The following UNC5D variants were observed in gnomAD, a reference collection of about 807,000 sequenced individuals.
UNC5D encodes netrin receptor UNC5D.
A neutral mutation model predicts 105.4 loss-of-function variants in UNC5D; 39 were observed. The observed-to-expected ratio is 0.37, with a 90% CI of 0.29 to 0.48. The LOEUF (loss-of-function observed/expected upper bound fraction) is 0.48, where lower values mean the gene tolerates loss of function less well. UNC5D is among the 20% of genes least tolerant of loss of function. The pLI is 0.98. For missense variants in UNC5D, 991 were observed against 1,202.4 expected (o/e 0.82, Z 2.60); for synonymous variants, 452 against 450.4 (o/e 1.00, Z -0.04).
intron 1 of UNC5D, chr8:35,544,550 A>G (rs1815503408): frequency 6.2e-7 from 1 of 1,613,402 alleles, no homozygotes; most frequent in Non-Finnish European, 8.5e-7. Context: ...GGCAGGAACA[A>G]ACAGGAAAAA....
At chr8:35,344,005 G>A (rs1450150246) in intron 1 of UNC5D, among the ~76,000 whole-genome samples, 1 of 152,100 alleles carries the variant, frequency 6.6e-6, no homozygotes, top group African/African-American at 2.4e-5. Flanking sequence ...GAATTTCAGA[G>A]ACTGCTGTGA....
At chr8:35,527,621 C>A (rs1813971479) in intron 1 of UNC5D, among the ~76,000 whole-genome samples, 1 of 152,110 alleles carries the variant, frequency 6.6e-6, no homozygotes. Context: ...CGACTCACTG[C>A]AACCTCTGCT....
At chr8:35,610,915 TG>T (rs1262529892) in intron 4 of UNC5D, among the ~76,000 whole-genome samples, 1 of 150,936 alleles carries the variant, frequency 6.6e-6, no homozygotes, top group African/African-American at 2.4e-5. Context: ...CTACTAACTT[TG>T]TAATGCAATT....
intron 1 of UNC5D, among the ~76,000 whole-genome samples, chr8:35,546,539 G>T (rs1467053339): frequency 2.0e-5 from 3 of 152,174 alleles, no homozygotes; most frequent in Non-Finnish European, 4.4e-5. Flanking sequence ...CTATAGCTTT[G>T]GGTATGTATT....
chr8:35,510,788 A>T (rs1812651839), intron 1 of UNC5D, among the ~76,000 whole-genome samples: 1 of 152,278 alleles, frequency 6.6e-6, no homozygotes, highest in East Asian at 1.9e-4. Context: ...GTGAAGCAAA[A>T]GCTCCCTGCT....
chr8:35,604,088 G>A (rs1820095761), intron 4 of UNC5D, among the ~76,000 whole-genome samples: 1 of 152,178 alleles, frequency 6.6e-6, no homozygotes. Flanking sequence ...CTGTCATTAT[G>A]ATGTTAGCTG....
At chr8:35,408,927 C>T (rs1314248666) in intron 1 of UNC5D, among the ~76,000 whole-genome samples, 1 of 151,976 alleles carries the variant, frequency 6.6e-6, no homozygotes, top group Non-Finnish European at 1.5e-5. Context: ...CCTAAATCTC[C>T]CTCGTGATTT....
rs890760713 is a variant in UNC5D, at chr8:35,722,290, G to T, written c.1198G>T (p.Val400Phe). The T allele has an allele frequency of 1.2e-6, 2 of 1,614,182 alleles. No individual in the cohort carries two copies. Among genetic ancestry groups the T allele is most frequent in the Non-Finnish European group, 1.7e-6 (2 of 1,180,028 alleles). Residue 400 changes from valine (V) to phenylalanine (F), a missense_variant, in exon 9 of 17, where the codon GTC (valine) becomes TTC (phenylalanine). Transcript: ENST00000404895. The stretch of plus-strand genomic sequence containing the variant: ...GGCCGTTGCAGTCCTGGTCATTGGT[G>T]TCACCCTTTACAGACGGAGCCAGAG... ...VVAVAVLVIGVTLYRRSQSDY... is the reference protein window; with the variant it reads ...VVAVAVLVIGFTLYRRSQSDY...
chr8:35,697,298 A>C (rs1015270339), intron 7 of UNC5D, among the ~76,000 whole-genome samples: 3 of 151,970 alleles, frequency 2.0e-5, no homozygotes, highest in Non-Finnish European at 4.4e-5. Context: ...TATAATATGA[A>C]AATAACACCA....
At chr8:35,237,953 A>G (rs1802577219) in intron 1 of UNC5D, among the ~76,000 whole-genome samples, 2 of 152,192 alleles carry the variant, frequency 1.3e-5, no homozygotes, top group South Asian at 2.1e-4. Context: ...AAAGGTGTCC[A>G]TTCATTAAAA....
At chr8:35,498,079 C>CAAA (rs141361517) in intron 1 of UNC5D, among the ~76,000 whole-genome samples, 2 of 59,424 alleles carry the variant, frequency 3.4e-5, no homozygotes, top group African/African-American at 8.7e-5. Flanking sequence ...CAAAACAAAA[C>CAAA]AAAACAAAAA....
At chr8:35,679,439 G>C (rs932929629) in intron 4 of UNC5D, among the ~76,000 whole-genome samples, 1 of 152,156 alleles carries the variant, frequency 6.6e-6, no homozygotes, top group Non-Finnish European at 1.5e-5. Context: ...CTTCAGGGCA[G>C]AGGAATCAGT....
chr8:35,377,686 C>G (rs1032539812), intron 1 of UNC5D, among the ~76,000 whole-genome samples: 1 of 152,102 alleles, frequency 6.6e-6, no homozygotes, highest in Admixed American at 6.6e-5. Flanking sequence ...CAGAGGTGCC[C>G]CAGGTGAGGC....
intron 1 of UNC5D, among the ~76,000 whole-genome samples, chr8:35,457,443 A>G (rs79871182): frequency 0.017 from 2,538 of 152,226 alleles, 82 homozygotes; most frequent in African/African-American, 0.058. Context: ...TTCTTATACC[A>G]TTTATCATTC....
At chr8:35,615,215 G>C (rs1820964027) in intron 4 of UNC5D, among the ~76,000 whole-genome samples, 1 of 152,134 alleles carries the variant, frequency 6.6e-6, no homozygotes, top group East Asian at 1.9e-4. Context: ...CTCCAGCGTG[G>C]GGCCAGAGAT....
At chr8:35,311,558 C>T (rs1023772195) in intron 1 of UNC5D, among the ~76,000 whole-genome samples, 1 of 152,056 alleles carries the variant, frequency 6.6e-6, no homozygotes, top group Non-Finnish European at 1.5e-5. Flanking sequence ...TGCTATGGAG[C>T]AAACACCCAG....
chr8:35,235,691 C>A lies in UNC5D; in HGVS notation c.-94C>A. On this transcript the variant is annotated 5_prime_UTR_variant, in exon 1 of 17. Transcript: ENST00000404895. ...GAGCAGAGTCACTCTCTGAAGACTC[C>A]CGAGACCCATTCGACTCGGGACCCT... The A allele has an allele frequency of 1.0e-6, 1 of 973,672 alleles. No homozygotes were observed. The highest frequency in any genetic ancestry group is 1.3e-6 in the Non-Finnish European group (1 of 753,890). The allele number at this position is 973,672 out of a possible 1,614,324, so 60.3% of individuals were successfully genotyped here.
At chr8:35,434,803 G>A (rs1271103413) in intron 1 of UNC5D, among the ~76,000 whole-genome samples, 1 of 152,050 alleles carries the variant, frequency 6.6e-6, no homozygotes, top group Non-Finnish European at 1.5e-5. Flanking sequence ...TGCATTAAAA[G>A]CAAACAAAAA....
At chr8:35,766,016 C>A (rs1265089511) in intron 14 of UNC5D, among the ~76,000 whole-genome samples, 1 of 152,108 alleles carries the variant, frequency 6.6e-6, no homozygotes, top group Non-Finnish European at 1.5e-5. Flanking sequence ...CGGTGACTAA[C>A]TTCTACTTCA....
Sources: allele counts gnomAD v4.1 joint callset (sites outside exome capture counted in the v4.1 genomes callset), GRCh38; gene constraint gnomAD v4.1.1; transcripts MANE v1.5; gene names NCBI Gene and HGNC (gene_info 2026-07-23, HGNC 2026-07-21).